VAMP7: variants seen among roughly 807,000 people sequenced by gnomAD.
The protein encoded by VAMP7 is vesicle-associated membrane protein 7.
A neutral mutation model predicts 29.6 loss-of-function variants in VAMP7; 14 were observed. The ratio of observed to expected loss-of-function variants is 0.47; its 90% CI spans 0.31 to 0.74. VAMP7 has a LOEUF of 0.74. Ranked by LOEUF, VAMP7 falls within the 30% of genes least tolerant of loss-of-function variation. VAMP7 has a pLI of 0.05. For synonymous variants in VAMP7, 95 were observed against 88.1 expected, an observed-to-expected ratio of 1.08 and a Z score of -0.44; for missense variants, 223 against 262.4, an observed-to-expected ratio of 0.85 and a Z score of 1.04.
At chrX:155,885,208 G>A (rs1015171515) in intron 1 of VAMP7, among the ~76,000 whole-genome samples, 3 of 151,954 alleles carry the variant, frequency 2.0e-5, no homozygotes, top group African/African-American at 7.3e-5. Flanking sequence ...CCTTTCTTTA[G>A]TCCCTTAACA....
intron 5 of VAMP7, 71 bp from the exon 6 acceptor site, chrX:155,919,742 C>T (rs888903532): frequency 1.4e-6 from 2 of 1,399,180 alleles, no homozygotes; most frequent in African/African-American, 1.4e-5. Flanking sequence ...AGTTATATTA[C>T]TTTTTTAAAA....
At chrX:155,906,411 G>A (rs2066148213) in intron 5 of VAMP7, among the ~76,000 whole-genome samples, 1 of 152,144 alleles carries the variant, frequency 6.6e-6, no homozygotes, top group Admixed American at 6.5e-5. Context: ...TCTTGGTTGT[G>A]TTAGGAGTTG....
intron 5 of VAMP7, among the ~76,000 whole-genome samples, chrX:155,911,079 T>A (rs2066230657): frequency 6.6e-6 from 1 of 152,198 alleles, no homozygotes; most frequent in South Asian, 2.1e-4. Flanking sequence ...GGTCTGAAAT[T>A]TAAGTCTTTA....
intron 6 of VAMP7, among the ~76,000 whole-genome samples, chrX:155,921,487 G>A (rs2066395554): frequency 6.6e-6 from 1 of 152,010 alleles, no homozygotes; most frequent in African/African-American, 2.4e-5. Context: ...ATTTATTTGT[G>A]TCTGGCCTCT....
intron 2 of VAMP7, among the ~76,000 whole-genome samples, chrX:155,890,353 T>C (rs1278031017): frequency 6.6e-6 from 1 of 151,756 alleles, no homozygotes; most frequent in Non-Finnish European, 1.5e-5. Context: ...AGGTTTGTTT[T>C]ATTTATTTAT....
chrX:155,883,653 C>T (rs1415236080), intron 1 of VAMP7, among the ~76,000 whole-genome samples: 2 of 150,720 alleles, frequency 1.3e-5, no homozygotes, highest in Non-Finnish European at 2.9e-5. Flanking sequence ...TGTATAACCT[C>T]TGTTCACACA....
intron 6 of VAMP7, among the ~76,000 whole-genome samples, chrX:155,934,699 C>T: frequency 1.3e-5 from 2 of 152,250 alleles, no homozygotes; most frequent in Middle Eastern, 6.8e-3. Context: ...AGCCCATTTA[C>T]ATTTAAGGTT....
chrX:155,894,990 G>A (rs1321773739), intron 2 of VAMP7, among the ~76,000 whole-genome samples: 1 of 152,062 alleles, frequency 6.6e-6, no homozygotes, highest in African/African-American at 2.4e-5. Context: ...ACTTGTTCTG[G>A]GAAGTCTTTC....
At chrX:155,913,784 T>C (rs1338583319) in intron 5 of VAMP7, among the ~76,000 whole-genome samples, 1 of 152,180 alleles carries the variant, frequency 6.6e-6, no homozygotes, top group African/African-American at 2.4e-5. Flanking sequence ...AGCCTTGTAG[T>C]ATAATTTGAA....
chrX:155,895,784 G>A (rs745382435), intron 3 of VAMP7, 104 bp downstream of exon 3: 23 of 887,074 alleles, frequency 2.6e-5, no homozygotes, highest in East Asian at 7.4e-5. Flanking sequence ...GCTGCAGACC[G>A]GTACAGGTCT....
chrX:155,901,384 A>C (rs5983815), intron 5 of VAMP7, among the ~76,000 whole-genome samples: 2 of 151,942 alleles, frequency 1.3e-5, no homozygotes, highest in African/African-American at 2.4e-5. Context: ...AAATGTATTT[A>C]TTTTGCCCGA....
intron 5 of VAMP7, among the ~76,000 whole-genome samples, chrX:155,911,214 C>T (rs2066232803): frequency 6.6e-6 from 1 of 152,128 alleles, no homozygotes; most frequent in African/African-American, 2.4e-5. Flanking sequence ...AGTGTACGTC[C>T]TTGGCACCTT....
intron 6 of VAMP7, among the ~76,000 whole-genome samples, chrX:155,926,535 G>C (rs1333967861): frequency 6.6e-6 from 1 of 152,106 alleles, no homozygotes; most frequent in Non-Finnish European, 1.5e-5. Flanking sequence ...ATTAGGCTTT[G>C]GCCTAAGGAA....
chrX:155,909,823 C>CATATATACA (rs2066210951), intron 5 of VAMP7, among the ~76,000 whole-genome samples: 1 of 152,036 alleles, frequency 6.6e-6, no homozygotes, highest in Non-Finnish European at 1.5e-5. Context: ...TTAATTGATA[C>CATATATACA]ATAATATTTG....
chrX:155,921,039 T>A (rs2066388413), intron 6 of VAMP7, among the ~76,000 whole-genome samples: 1 of 152,156 alleles, frequency 6.6e-6, no homozygotes, highest in South Asian at 2.1e-4. Context: ...AAGTATCTGA[T>A]TCCAGATCTG....
chrX:155,907,924 C>T (rs1365948873), intron 5 of VAMP7, among the ~76,000 whole-genome samples: 7 of 151,780 alleles, frequency 4.6e-5, no homozygotes, highest in East Asian at 1.9e-4. Context: ...CCAGAAGGGG[C>T]GGCGGGGCAG....
intron 5 of VAMP7, among the ~76,000 whole-genome samples, chrX:155,908,485 A>G (rs1182279762): frequency 3.3e-5 from 5 of 152,072 alleles, no homozygotes; most frequent in Non-Finnish European, 7.4e-5. Context: ...CCGAGATAGC[A>G]GTAGTACAGT....
intron 1 of VAMP7, among the ~76,000 whole-genome samples, chrX:155,884,695 G>A (rs894929833): frequency 1.3e-5 from 2 of 152,302 alleles, no homozygotes; most frequent in South Asian, 2.1e-4. Flanking sequence ...GCCATTGCTC[G>A]TTTATAAGAT....
chrX:155,890,354 A>G (rs2065912592), intron 2 of VAMP7, among the ~76,000 whole-genome samples: 1 of 151,548 alleles, frequency 6.6e-6, no homozygotes, highest in South Asian at 2.1e-4. Context: ...GGTTTGTTTT[A>G]TTTATTTATT....
Sources: allele counts gnomAD v4.1 joint callset (sites outside exome capture counted in the v4.1 genomes callset), GRCh38; gene constraint gnomAD v4.1.1; transcripts MANE v1.5; gene names NCBI Gene and HGNC (gene_info 2026-07-23, HGNC 2026-07-21).